Variants in ARNT2 observed in about 807,000 individuals in gnomAD.
ARNT2 encodes the protein ARNT protein 2.
ARNT2 carries 36 observed loss-of-function variants against 91.7 expected under a neutral mutation model. The ratio of observed to expected loss-of-function variants is 0.39; its 90% CI spans 0.30 to 0.52. The LOEUF (loss-of-function observed/expected upper bound fraction) is 0.52. ARNT2 is among the 20% of genes least tolerant of loss of function. The pLI is 0.72. For missense variants in ARNT2, 775 were observed against 939.3 expected (o/e 0.83, Z 2.29); for synonymous variants, 365 against 347.1 (o/e 1.05, Z -0.57).
chr15:80,516,998 G>T (rs1203383670), intron 8 of ARNT2, among the ~76,000 whole-genome samples: 2 of 150,986 alleles, frequency 1.3e-5, no homozygotes, highest in South Asian at 2.1e-4. Context: ...CCAATACATT[G>T]TTACTGTTAT....
chr15:80,457,891 C>A, intron 2 of ARNT2, 38 bp from the exon 3 acceptor site: 2 of 1,610,766 alleles, frequency 1.2e-6, no homozygotes, highest in Non-Finnish European at 1.7e-6. Flanking sequence ...AAATGTTCTC[C>A]TAATAATCAG....
intron 6 of ARNT2, among the ~76,000 whole-genome samples, chr15:80,513,338 C>T (rs1029511181): frequency 6.6e-6 from 1 of 152,218 alleles, no homozygotes; most frequent in South Asian, 2.1e-4. Flanking sequence ...GGATTCTCTA[C>T]CTGTTTATCT....
intron 6 of ARNT2, among the ~76,000 whole-genome samples, chr15:80,511,926 A>G (rs1267350260): frequency 6.6e-6 from 1 of 152,178 alleles, no homozygotes; most frequent in Non-Finnish European, 1.5e-5. Context: ...AATGTCCATC[A>G]CTGGACCTCA....
Position 80,591,833 on chromosome 15 carries a change from G to T in ARNT2, c.2055+129G>T. On this transcript the variant is annotated intron_variant, in intron 18 of 18. Transcript: ENST00000303329. The surrounding 1 kb of genome is among the most constrained non-coding windows in gnomAD (Gnocchi z 5.1). ...GAGTTCTGGCCCAGCCTGGGCTCGA[G>T]GGAGTCCAGGAGTAGAAAGCCCCAT... is the stretch of plus-strand genomic sequence containing the variant. The T allele has an allele frequency of 7.1e-7, 1 of 1,415,654 alleles. No individual in the cohort carries two copies. Among genetic ancestry groups the T allele is most frequent in the South Asian group, 1.4e-5 (1 of 71,316 alleles). 87.7% of individuals were successfully genotyped at this position (1,415,654 alleles called of 1,614,324 possible).
At chr15:80,523,506 T>C (rs935470874) in intron 8 of ARNT2, among the ~76,000 whole-genome samples, 1 of 152,244 alleles carries the variant, frequency 6.6e-6, no homozygotes, top group Non-Finnish European at 1.5e-5. Flanking sequence ...TGACAAATTC[T>C]GTGCCATTCC....
intron 17 of ARNT2, among the ~76,000 whole-genome samples, chr15:80,584,472 A>C (rs1003391719): frequency 1.3e-5 from 2 of 152,164 alleles, no homozygotes; most frequent in African/African-American, 2.4e-5. Flanking sequence ...GTTACTCCCG[A>C]GGGCACAGTG....
chr15:80,537,723 A>C (rs1020982981), intron 8 of ARNT2, among the ~76,000 whole-genome samples: 2 of 152,212 alleles, frequency 1.3e-5, no homozygotes, highest in African/African-American at 2.4e-5. Context: ...TTGAAGTCCC[A>C]ACCTCCAGTA....
chr15:80,563,719 C>T (rs1490571609), intron 12 of ARNT2, among the ~76,000 whole-genome samples: 1 of 152,136 alleles, frequency 6.6e-6, no homozygotes, highest in Non-Finnish European at 1.5e-5. Context: ...ACATGATTTC[C>T]CTGCTGCCCA....
intron 4 of ARNT2, among the ~76,000 whole-genome samples, chr15:80,471,115 A>G (rs1456220639): frequency 6.6e-6 from 1 of 152,270 alleles, no homozygotes; most frequent in African/African-American, 2.4e-5. Context: ...TAGCAAAGAC[A>G]TGGACTCAAC....
In ARNT2 at chr15:80,588,816, C is replaced by T. The variant is rs117353852; in HGVS notation, c.1919-2752C>T. 4.2e-3 allele frequency among the ~76,000 whole-genome samples: 632 copies of T among 152,266 alleles called. 2 individuals are homozygous for T. Among genetic ancestry groups the T allele is most frequent in the Non-Finnish European group, 5.7e-3 (390 of 68,030 alleles). On this transcript the variant is annotated intron_variant, in intron 17 of 18. Transcript: ENST00000303329. Reference sequence around the variant, plus strand: ...TGGCTAGTTAGGTATCCCTCGTAAGCGTTTTTATTCTAGTTCCTCTGACTC... The same window carrying T: ...TGGCTAGTTAGGTATCCCTCGTAAGTGTTTTTATTCTAGTTCCTCTGACTC...
chr15:80,470,521 G>A, intron 4 of ARNT2, 90 bp downstream of exon 4: 1 of 1,378,402 alleles, frequency 7.3e-7, no homozygotes, highest in Non-Finnish European at 9.9e-7. Context: ...CAGGGCTCAA[G>A]GTTGAGGAAG....
chr15:80,476,341 G>A (rs1896802213), intron 5 of ARNT2, among the ~76,000 whole-genome samples: 1 of 152,208 alleles, frequency 6.6e-6, no homozygotes, highest in Non-Finnish European at 1.5e-5. Context: ...GCCCGGTTCA[G>A]CTAGGCACAA....
At chr15:80,459,138 C>G (rs150846443) in intron 3 of ARNT2, among the ~76,000 whole-genome samples, 1 of 152,216 alleles carries the variant, frequency 6.6e-6, no homozygotes, top group African/African-American at 2.4e-5. Flanking sequence ...ATAGTAAACT[C>G]GCATCATGCC....
At chr15:80,593,547 G>C (rs936468560) in intron 18 of ARNT2, 53 bp from the exon 19 acceptor site, 3 of 1,430,182 alleles carry the variant, frequency 2.1e-6, no homozygotes, top group African/African-American at 2.8e-5. Flanking sequence ...CATGCCCAGT[G>C]CACGGACAGA....
intron 3 of ARNT2, among the ~76,000 whole-genome samples, chr15:80,466,199 T>G (rs1324501202): frequency 6.6e-6 from 1 of 152,216 alleles, no homozygotes; most frequent in Non-Finnish European, 1.5e-5. Context: ...TTCGTATTCT[T>G]TAACTAAGAT....
intron 10 of ARNT2, among the ~76,000 whole-genome samples, chr15:80,554,424 A>T (rs1005311332): frequency 6.6e-6 from 1 of 152,238 alleles, no homozygotes; most frequent in Non-Finnish European, 1.5e-5. Context: ...AATAAAAAAC[A>T]TAAAATAAAT....
intron 1 of ARNT2, among the ~76,000 whole-genome samples, chr15:80,422,968 A>G (rs1002075424): frequency 6.6e-6 from 1 of 152,218 alleles, no homozygotes; most frequent in Admixed American, 6.5e-5. Flanking sequence ...AAAATTTTAA[A>G]AAGAAAACGT....
intron 12 of ARNT2, among the ~76,000 whole-genome samples, chr15:80,565,318 C>T (rs1006553568): frequency 2.0e-5 from 3 of 152,162 alleles, no homozygotes; most frequent in Non-Finnish European, 4.4e-5. Flanking sequence ...CCTGCAAGTC[C>T]AAGTGTCTTT....
At chr15:80,572,017 A>G (rs1260682299) in intron 12 of ARNT2, among the ~76,000 whole-genome samples, 1 of 152,216 alleles carries the variant, frequency 6.6e-6, no homozygotes, top group Admixed American at 6.5e-5. Flanking sequence ...CCTGTTAAGT[A>G]GCCCCTTCCC....
Sources: gnomAD v4.1 joint callset for allele counts (sites outside exome capture counted in the v4.1 genomes callset) on GRCh38, gnomAD v4.1.1 for gene constraint, Gnocchi (gnomAD v3.1) non-coding constraint, MANE v1.5 for transcripts, NCBI Gene and HGNC (gene_info 2026-07-23, HGNC 2026-07-21) for gene names.